The following CHD1L variants were observed in gnomAD, a reference collection of about 807,000 sequenced individuals.
CHD1L encodes chromodomain helicase DNA binding protein 1 like.
In CHD1L, 118 loss-of-function variants were observed where a neutral mutation model predicts 115.9. The ratio of observed to expected loss-of-function variants is 1.02; its 90% CI spans 0.88 to 1.19. CHD1L has a LOEUF of 1.19. CHD1L is among the 50% of genes most tolerant of loss of function. The pLI, the probability that CHD1L is intolerant of heterozygous loss-of-function variation, is 0.00. For synonymous variants in CHD1L, 411 were observed against 387.1 expected (o/e 1.06, Z -0.72); for missense variants, 1,179 against 1,065.3 (o/e 1.11, Z -1.49).
intron 5 of CHD1L, among the ~76,000 whole-genome samples, chr1:147,258,015 A>C (rs1670674841): frequency 6.6e-6 from 1 of 152,156 alleles, no homozygotes; most frequent in Non-Finnish European, 1.5e-5. Flanking sequence ...AACAACATAG[A>C]TACATTCTTT....
the CHD1L span, chr1:147,225,273 G>A: frequency 3.1e-5 from 32 of 1,021,452 alleles, no homozygotes; most frequent in South Asian, 5.5e-4. Flanking sequence ...CTCTGCTGCG[G>A]TACCGGATCT....
chr1:147,241,451 C>A (rs370261601), upstream of CHD1L, among the ~76,000 whole-genome samples: 62 of 152,230 alleles, frequency 4.1e-4, no homozygotes, highest in South Asian at 0.013. Context: ...TTTTCCTTTA[C>A]CTACCCAAAT....
the CHD1L span, chr1:147,174,537 G>A: frequency 2.6e-5 from 4 of 152,294 alleles, no homozygotes; most frequent in South Asian, 8.3e-4. Context: ...ATCTGCTTTG[G>A]AAGATTATCC....
upstream of CHD1L, chr1:147,242,683 G>A: frequency 1.6e-6 from 2 of 1,265,220 alleles, no homozygotes; most frequent in Non-Finnish European, 2.0e-6. Context: ...GGCCGCGCGG[G>A]GCGGGGCCTC....
upstream of CHD1L, among the ~76,000 whole-genome samples, chr1:147,240,387 T>C (rs1252260687): frequency 6.6e-6 from 1 of 152,238 alleles, no homozygotes; most frequent in Non-Finnish European, 1.5e-5. Flanking sequence ...CACAATACAC[T>C]GCGGAAGGCC....
At chr1:147,274,247 G>T (rs587717171) in intron 12 of CHD1L, among the ~76,000 whole-genome samples, 1 of 152,242 alleles carries the variant, frequency 6.6e-6, no homozygotes, top group East Asian at 1.9e-4. Context: ...TGTTGTGAGG[G>T]TTAAAGGAGT....
the CHD1L span, chr1:147,201,455 T>C: frequency 6.2e-7 from 1 of 1,614,024 alleles, no homozygotes; most frequent in Non-Finnish European, 8.5e-7. Flanking sequence ...AAGCCAGAAA[T>C]GATACGATTT....
the CHD1L span, among the ~76,000 whole-genome samples, chr1:147,227,975 C>A: frequency 6.7e-6 from 1 of 149,792 alleles, no homozygotes; most frequent in Non-Finnish European, 1.5e-5. Flanking sequence ...GCAAGTGGTG[C>A]GATCTTGGCT....
the CHD1L span, among the ~76,000 whole-genome samples, chr1:147,207,511 A>G: frequency 6.6e-6 from 1 of 152,210 alleles, no homozygotes; most frequent in Non-Finnish European, 1.5e-5. Flanking sequence ...TTTCTTCATT[A>G]TAATCTGTCC....
chr1:147,203,226 A>G, the CHD1L span: 6 of 990,836 alleles, frequency 6.1e-6, no homozygotes, highest in Middle Eastern at 3.3e-4. Flanking sequence ...GATTCTTAGA[A>G]TACTACTACA....
At chr1:147,213,404 C>T in the CHD1L span, 1 of 1,613,716 alleles carries the variant, frequency 6.2e-7, no homozygotes. Context: ...CCTTCAGATT[C>T]AGTGACCACT....
chr1:147,188,346 A>G, the CHD1L span, among the ~76,000 whole-genome samples: 1 of 151,938 alleles, frequency 6.6e-6, no homozygotes. Context: ...CAACATGGCG[A>G]AACCCCATCT....
chr1:147,245,230 ACTTGG>A (rs1666214382), intron 1 of CHD1L, among the ~76,000 whole-genome samples: 1 of 152,216 alleles, frequency 6.6e-6, no homozygotes, highest in South Asian at 2.1e-4. Flanking sequence ...TGTAAACGTG[ACTTGG>A]CTTTAGCCAG....
intron 19 of CHD1L, among the ~76,000 whole-genome samples, chr1:147,290,059 G>C (rs1311104934): frequency 6.6e-6 from 1 of 152,076 alleles, no homozygotes; most frequent in African/African-American, 2.4e-5. Flanking sequence ...CAATAGACAG[G>C]GTCTGTAAAA....
At chr1:147,197,373 T>C in the CHD1L span, among the ~76,000 whole-genome samples, 1 of 152,180 alleles carries the variant, frequency 6.6e-6, no homozygotes, top group Non-Finnish European at 1.5e-5. Flanking sequence ...AAATATCTGC[T>C]GAATGAACAA....
Position 147,264,489 on chromosome 1 carries a change from CCCT to C in CHD1L, c.649_651del (p.Leu217del), listed in dbSNP as rs781878846. The C allele has an allele frequency of 1.2e-6, 2 of 1,613,990 alleles. No homozygotes were observed. Among genetic ancestry groups the C allele is most frequent in the Non-Finnish European group, 8.5e-7 (1 of 1,179,912 alleles). On this transcript the variant is annotated inframe_deletion, in exon 7 of 23. Coordinates refer to ENST00000369258, the MANE Select transcript of CHD1L (RefSeq NM_004284.6). ...CAGAACAGCCTCCAAGAGCTCTACT[CCCT>C]CCTCAGTTTTGTGGAGCCTGATCTC...
At chr1:147,187,031 TGGTGA>T in the CHD1L span, 1 of 1,614,124 alleles carries the variant, frequency 6.2e-7, no homozygotes, top group South Asian at 1.1e-5. Context: ...CGATCATCTG[TGGTGA>T]GGATAGCTTT....
chr1:147,187,303 A>G, the CHD1L span: 2 of 1,288,346 alleles, frequency 1.6e-6, no homozygotes, highest in African/African-American at 3.0e-5. Flanking sequence ...TCAGTCAATC[A>G]ATTACTGCCT....
chr1:147,213,471 C>T, the CHD1L span: 3 of 1,597,696 alleles, frequency 1.9e-6, no homozygotes, highest in Non-Finnish European at 2.6e-6. Context: ...ACACAGTGGT[C>T]TGAAAAGAAA....
Sources: allele counts gnomAD v4.1 joint callset (sites outside exome capture counted in the v4.1 genomes callset), GRCh38; gene constraint gnomAD v4.1.1; transcripts MANE v1.5; gene names NCBI Gene and HGNC (gene_info 2026-07-23, HGNC 2026-07-21).